The following NCOR2 variants were observed in gnomAD, a reference collection of about 807,000 sequenced individuals.
NCOR2 encodes the protein CTG repeat protein 26.
Under a neutral mutation model 262.9 loss-of-function variants are expected in NCOR2, and 81 were observed. The ratio of observed to expected loss-of-function variants is 0.31; its 90% CI spans 0.26 to 0.37. The LOEUF is 0.37. Ranked by LOEUF, NCOR2 falls within the 10% of genes least tolerant of loss-of-function variation. The pLI is 1.00. For synonymous variants in NCOR2, 1,659 were observed against 1,559.3 expected (o/e 1.06, Z -1.51); for missense variants, 3,385 against 3,621.4 (o/e 0.93, Z 1.68).
At chr12:124,345,310 G>A (rs912983275) in intron 31 of NCOR2, among the ~76,000 whole-genome samples, 7 of 152,118 alleles carry the variant, frequency 4.6e-5, no homozygotes, top group Admixed American at 1.3e-4. Context: ...CCTCTGTTCA[G>A]CCTGGGACCC....
At chr12:124,567,609 TGGCGGCGGCGGCGGC>T (rs574345580), upstream of NCOR2, 39,962 of 143,866 alleles carry the variant, frequency 0.28, 6,684 homozygotes, top group East Asian at 0.41. Flanking sequence ...GCGGCGGCGG[TGGCGGCGGCGGCGGC>T]GGCGGCGGCG....
chr12:124,545,529 C>T (rs1273948990), intron 1 of NCOR2, among the ~76,000 whole-genome samples: 2 of 152,206 alleles, frequency 1.3e-5, no homozygotes, highest in African/African-American at 2.4e-5. Context: ...TCGAAGCCCC[C>T]ACCACACAGA....
At chr12:124,386,616 G>A (rs938370401) in intron 16 of NCOR2, among the ~76,000 whole-genome samples, 11 of 152,210 alleles carry the variant, frequency 7.2e-5, no homozygotes, top group African/African-American at 2.7e-4. Context: ...CCTGCTGTGG[G>A]AAGAGACCCT....
chr12:124,327,538 C>T (rs917191526), exon 45 of NCOR2: 1 of 1,613,868 alleles, frequency 6.2e-7, no homozygotes, highest in South Asian at 1.1e-5. Context: ...TCCCACTGGT[C>T]ATATTTACCC....
chr12:124,351,719 T>G (rs901734428), intron 27 of NCOR2, among the ~76,000 whole-genome samples: 1 of 146,744 alleles, frequency 6.8e-6, no homozygotes, highest in African/African-American at 2.5e-5. Flanking sequence ...CAAGCTGCCG[T>G]GGGACCTCCT....
chr12:124,502,915 C>A (rs1006522693), intron 1 of NCOR2, among the ~76,000 whole-genome samples: 3 of 152,178 alleles, frequency 2.0e-5, no homozygotes, highest in African/African-American at 7.2e-5. Flanking sequence ...GGCCTCCACC[C>A]ATGCACAGCG....
intron 22 of NCOR2, among the ~76,000 whole-genome samples, chr12:124,358,055 T>G (rs556943361): frequency 4.7e-5 from 7 of 149,806 alleles, no homozygotes; most frequent in African/African-American, 1.7e-4. Flanking sequence ...TGTGTGTGCC[T>G]GTACACAATG....
At chr12:124,339,897 A>ACCCCCCCCCCC in intron 37 of NCOR2, 109 bp downstream of exon 39, 19 of 176,194 alleles carry the variant, frequency 1.1e-4, no homozygotes, top group Middle Eastern at 1.9e-3. Flanking sequence ...ACATCTGCCC[A>ACCCCCCCCCCC]CCCACCCACC....
chr12:124,487,624 G>T (rs1405586942), intron 1 of NCOR2, among the ~76,000 whole-genome samples: 1 of 152,200 alleles, frequency 6.6e-6, no homozygotes, highest in Non-Finnish European at 1.5e-5. Flanking sequence ...CCTCCGCCCT[G>T]CGGCTAGGCT....
chr12:124,334,689 C>T, intron 40 of NCOR2, 72 bp from the exon 43 acceptor site: 1 of 767,886 alleles, frequency 1.3e-6, no homozygotes, highest in Non-Finnish European at 2.0e-6. Context: ...TGGGGAGGGG[C>T]TAGACGGAGC....
intron 6 of NCOR2, among the ~76,000 whole-genome samples, chr12:124,450,254 C>T (rs906441335): frequency 1.3e-5 from 2 of 152,344 alleles, no homozygotes; most frequent in East Asian, 3.9e-4. Context: ...TGGAAACGCG[C>T]GTCCCAACGC....
chr12:124,327,104 T>TC (rs1364710106), intron 45 of NCOR2, among the ~76,000 whole-genome samples: 3 of 151,792 alleles, frequency 2.0e-5, no homozygotes, highest in African/African-American at 7.3e-5. Flanking sequence ...AGAAGCCGGG[T>TC]CCCCGCAGGG....
exon 30 of NCOR2, chr12:124,347,905 A>G (rs779078857): frequency 1.3e-6 from 2 of 1,560,944 alleles, no homozygotes; most frequent in African/African-American, 1.4e-5. Context: ...GGCACGGCCC[A>G]TGAGACCTGG....
At chr12:124,439,442 C>A in intron 7 of NCOR2, among the ~76,000 whole-genome samples, 1 of 37,560 alleles carries the variant, frequency 2.7e-5, no homozygotes, top group Non-Finnish European at 5.8e-5. Flanking sequence ...GACAGAGACC[C>A]AGAGAGGGAA....
At chr12:124,516,509 G>A (rs1438842763) in intron 1 of NCOR2, among the ~76,000 whole-genome samples, 1 of 152,210 alleles carries the variant, frequency 6.6e-6, no homozygotes, top group Non-Finnish European at 1.5e-5. Context: ...AAAGAAAAAT[G>A]GACGGAACTC....
chr12:124,386,121 T>C (rs1045567930), intron 16 of NCOR2, among the ~76,000 whole-genome samples: 2 of 152,086 alleles, frequency 1.3e-5, no homozygotes, highest in Non-Finnish European at 2.9e-5. Context: ...GTCACTTGAC[T>C]CCAGGCCAGG....
rs837492 is a variant in NCOR2 at position 124,523,485 on chromosome 12, C to G, written c.-118+12080G>C. 6.6e-6 allele frequency among the ~76,000 whole-genome samples: 1 copy of G among 151,950 alleles called. No homozygotes were observed. The highest frequency in any genetic ancestry group is 1.5e-5 in the Non-Finnish European group (1 of 67,958). ...GACACATCACGCCGGCCAGCATCAC[C>G]CAAGCTCTCAGTGTGCCAGGGTCAG... On this transcript the variant is annotated intron_variant, in intron 1 of 46. Coordinates refer to the NCOR2 transcript ENST00000404621. This position sits in a 1 kb window ranked among gnomAD's most constrained non-coding sequence, Gnocchi z 4.0.
intron 2 of NCOR2, among the ~76,000 whole-genome samples, chr12:124,486,092 G>T (rs1014787224): frequency 6.6e-6 from 1 of 152,192 alleles, no homozygotes; most frequent in Non-Finnish European, 1.5e-5. Context: ...TGGAGAAGAA[G>T]GAAGAATGGG....
intron 41 of NCOR2, among the ~76,000 whole-genome samples, chr12:124,333,883 T>TGTGTGTGTGTGTGCGC (rs2035531933): frequency 1.1e-5 from 1 of 93,374 alleles, no homozygotes; most frequent in Admixed American, 1.1e-4. Flanking sequence ...TGTGCGGGTG[T>TGTGTGTGTGTGTGCGC]GCATGTGTGT....
Sources: gnomAD v4.1 joint callset for allele counts (sites outside exome capture counted in the v4.1 genomes callset) on GRCh38, gnomAD v4.1.1 for gene constraint, Gnocchi (gnomAD v3.1) non-coding constraint, MANE v1.5 for transcripts, NCBI Gene and HGNC (gene_info 2026-07-23, HGNC 2026-07-21) for gene names.